Variants in TUSC1 observed in about 807,000 individuals in gnomAD.
The protein encoded by TUSC1 is tumor suppressor candidate gene 1 protein.
A neutral mutation model predicts 5.2 loss-of-function variants in TUSC1; 8 were observed. The observed-to-expected ratio is 1.54, with a 90% CI of 0.90 to 2.77. The LOEUF (loss-of-function observed/expected upper bound fraction) is 2.77, where lower values mean the gene tolerates loss of function less well. Ranked by LOEUF, TUSC1 falls within the 30% of genes most tolerant of loss-of-function variation. The probability of loss-of-function intolerance (pLI) is 0.00; values close to 1 mark genes in which losing one functional copy is unlikely to be tolerated. For synonymous variants in TUSC1, 192 were observed against 144.2 expected, an observed-to-expected ratio of 1.33 and a Z score of -2.37; for missense variants, 442 against 324.2, an observed-to-expected ratio of 1.36 and a Z score of -2.79.
Position 25,678,098 on chromosome 9 carries a change from G to C in TUSC1, c.215C>G (p.Ala72Gly). ...FADLAASHLE[A>G]IRARDEWDRQ... ...GTCCCACTCGTCCCGCGCACGGATGGCCTCCAAGTGGCTCGCCGCCAGGTC... is the reference window on the plus strand; with the variant it reads ...GTCCCACTCGTCCCGCGCACGGATGCCCTCCAAGTGGCTCGCCGCCAGGTC... The change falls in exon 1 of 1, where the codon GCC (alanine) becomes GGC (glycine). Residue 72 changes from alanine (A) to glycine (G), a missense_variant. Ala to Gly is a moderately conservative substitution (Grantham distance 60). Transcript: ENST00000358022. 6.3e-7 allele frequency: 1 copy of C among 1,577,916 alleles called. No homozygotes were observed. Among genetic ancestry groups the C allele is most frequent in the Non-Finnish European group, 8.6e-7 (1 of 1,169,456 alleles).
chr9:25,677,654 G>A lies in TUSC1; in HGVS notation c.*29C>T, dbSNP rs1441513085. On this transcript the variant is annotated 3_prime_UTR_variant, in exon 1 of 1. Transcript: ENST00000358022. ...ACGGAGGAGGAGGGGCCCGCTCGAG[G>A]CTCCGCCTCTCACCGGCTGCGGCCT... 6.8e-7 allele frequency: 1 copy of A among 1,474,406 alleles called. No individual in the cohort carries two copies. The allele number at this position is 1,474,406 out of a possible 1,614,324, so 91.3% of individuals were successfully genotyped here. A position where few individuals can be genotyped will look rare whatever the true frequency, so the allele number is the denominator to read the frequency against.
In TUSC1 at chr9:25,677,851, C is replaced by T. The variant is rs771089540; in HGVS notation, c.462G>A (p.Leu154=). 1.3e-6 allele frequency: 2 copies of T among 1,596,556 alleles called. No homozygotes were observed. Among genetic ancestry groups the T allele is most frequent in the East Asian group, 4.5e-5 (2 of 44,270 alleles). ...CTTCCAGCTTCTCAAGTCGGGCCCT[C>T]AGGGCCCTGGGGCTGCCCGGCTCGT... The part of the protein sequence containing the change: ...REDEPGSPRA[L]RARLEKLEAM... The change falls in exon 1 of 1, where the codon CTG becomes CTA. Residue 154 remains leucine (L), a synonymous_variant. Coordinates refer to ENST00000358022, the MANE Select transcript of TUSC1 (RefSeq NM_001004125.3).
Position 25,677,069 on chromosome 9 carries a change from ATG to A in TUSC1, c.*612_*613del, listed in dbSNP as rs1273134547. 1 of 152,272 alleles carries A rather than the reference ATG, an allele frequency of 6.6e-6. No homozygotes were observed. Among genetic ancestry groups the A allele is most frequent in the Non-Finnish European group, 1.5e-5 (1 of 68,082 alleles). 9.4% of individuals were successfully genotyped at this position (152,272 alleles called of 1,614,324 possible). On this transcript the variant is annotated 3_prime_UTR_variant, in exon 1 of 1. Transcript: ENST00000358022. ...GGGCAAACAAATCAGTATATATTAG[ATG>A]TACAGGGACTGCAGCCAAGACAGGC...
chr9:25,677,599 G>T lies in TUSC1; in HGVS notation c.*84C>A, dbSNP rs746569808. The T allele has an allele frequency of 3.9e-5, 56 of 1,439,156 alleles. No homozygotes were observed. The highest frequency in any genetic ancestry group is 4.9e-5 in the Non-Finnish European group (54 of 1,101,980). The allele number at this position is 1,439,156 out of a possible 1,614,324, so 89.1% of individuals were successfully genotyped here. ...GTATCCGCGGGCAGGGAGCGGGCCA[G>T]GGCGTGCGCGAGGTCGGGGGTAGCT... On this transcript the variant is annotated 3_prime_UTR_variant, in exon 1 of 1. Transcript: ENST00000358022.
At position 25,678,000 on chromosome 9, in the gene TUSC1, G is replaced by C. The variant is rs550558646; in HGVS notation, c.313C>G (p.Arg105Gly). 6.7e-5 allele frequency: 105 copies of C among 1,556,580 alleles called. 1 individual carries two copies. In the African/African-American group the frequency reaches 1.1e-3, roughly 17 times the overall value. ...LENRRLKREN[R>G]SLFRQALRLP... is the part of the protein sequence containing the mutation. ...CGCAAAGCCTGACGGAAGAGGCTGC[G>C]GTTCTCGCGCTTCAGCCGCCGGTTC... Residue 105 changes from arginine to glycine, a missense_variant, in exon 1 of 1, where the codon CGC becomes GGC. Arg to Gly is a moderately radical substitution (Grantham distance 125, BLOSUM62 -2). Transcript: ENST00000358022.
rs368924059 is a variant in TUSC1 at position 25,677,783 on chromosome 9, C to T, written c.530G>A (p.Arg177Gln). The T allele has an allele frequency of 1.3e-5, 21 of 1,586,318 alleles. No individual in the cohort carries two copies. In the African/African-American group the frequency reaches 2.0e-4, roughly 15 times the overall value. Residue 177 changes from arginine (R) to glutamine (Q), a missense_variant, in exon 1 of 1, where the codon CGG (arginine) becomes CAG (glutamine). Transcript: ENST00000358022. ...RALLQLHLEQ[R>Q]GPRPSGDKEE... ...CTTGTCCCCGCTCGGACGTGGTCCC[C>T]GCTGCTCGAGGTGCAGCTGCAGCAG...
chr9:25,677,717 G>A lies in TUSC1; in HGVS notation c.596C>T (p.Ser199Phe). Residue 199 changes from serine (S) to phenylalanine (F), a missense_variant, in exon 1 of 1, where the codon TCC becomes TTC. Ser to Phe is a radical substitution (Grantham distance 155). Transcript: ENST00000358022. Reference protein sequence around the residue: ...PLQEPDSGLRSRDSEPSGPWL With the variant: ...PLQEPDSGLRFRDSEPSGPWL ...GGGCCCAGAGGGCTCCGAGTCCCGGGAGCGGAGGCCGGAGTCGGGTTCCTG... is the reference window on the plus strand; with the variant it reads ...GGGCCCAGAGGGCTCCGAGTCCCGGAAGCGGAGGCCGGAGTCGGGTTCCTG... 1 of 1,561,106 alleles carries A rather than the reference G, an allele frequency of 6.4e-7. No homozygotes were observed. Among genetic ancestry groups the A allele is most frequent in the Non-Finnish European group, 8.7e-7 (1 of 1,152,996 alleles).
In TUSC1 at chr9:25,677,591, G is replaced by A. The variant is rs988747071; in HGVS notation, c.*92C>T. ...AGTCCAAGGTATCCGCGGGCAGGGA[G>A]CGGGCCAGGGCGTGCGCGAGGTCGG... is the stretch of plus-strand genomic sequence containing the variant. On this transcript the variant is annotated 3_prime_UTR_variant, in exon 1 of 1. Transcript: ENST00000358022. 1 of 1,435,534 alleles carries A rather than the reference G, an allele frequency of 7.0e-7. No homozygotes were observed. The highest frequency in any genetic ancestry group is 9.1e-7 in the Non-Finnish European group (1 of 1,099,606). 88.9% of individuals were successfully genotyped at this position (1,435,534 alleles called of 1,614,324 possible). A position where few individuals can be genotyped will look rare whatever the true frequency, so the allele number is the denominator to read the frequency against.
chr9:25,678,410 C>G lies in TUSC1; in HGVS notation c.-98G>C. ...GCTGGCAGGGCGGCCGGGGTGACGA[C>G]GGAGGAGGAGAGGAGGTCGCGGGCG... On this transcript the variant is annotated 5_prime_UTR_variant, in exon 1 of 1. Coordinates refer to ENST00000358022, the MANE Select transcript of TUSC1 (RefSeq NM_001004125.3). The G allele has an allele frequency of 1.7e-6, 2 of 1,154,024 alleles. No individual in the cohort carries two copies. Among genetic ancestry groups the G allele is most frequent in the African/African-American group, 3.3e-5 (2 of 60,402 alleles). The allele number at this position is 1,154,024 out of a possible 1,614,324, so 71.5% of individuals were successfully genotyped here.
rs778067803 is a variant in TUSC1, at chr9:25,678,246, C to A, written c.67G>T (p.Gly23Cys). 12 of 1,418,436 alleles carry A rather than the reference C, an allele frequency of 8.5e-6. No individual in the cohort carries two copies. In the South Asian group the frequency reaches 1.1e-4, roughly 13 times the overall value. 87.9% of individuals were successfully genotyped at this position (1,418,436 alleles called of 1,614,324 possible). The change falls in exon 1 of 1, where the codon GGC (glycine) becomes TGC (cysteine). Residue 23 changes from glycine (G) to cysteine (C), a missense_variant. By Grantham distance (159) the Gly-to-Cys change is radical. Transcript: ENST00000358022. ...CGGCCGGAGCGGCCTGGCCCTCGGCCGTCCGCAGCACCGTCCCCGCCGCAG... is the reference window on the plus strand; with the variant it reads ...CGGCCGGAGCGGCCTGGCCCTCGGCAGTCCGCAGCACCGTCCCCGCCGCAG... The part of the protein sequence containing the change: ...SCCGGDGAAD[G>C]RGPGRSGRAR...
In TUSC1 at chr9:25,677,616, G is replaced by A. The variant is rs927790391; in HGVS notation, c.*67C>T. 1.4e-6 allele frequency: 2 copies of A among 1,442,880 alleles called. No homozygotes were observed. Among genetic ancestry groups the A allele is most frequent in the East Asian group, 2.5e-5 (1 of 40,074 alleles). 89.4% of individuals were successfully genotyped at this position (1,442,880 alleles called of 1,614,324 possible). On this transcript the variant is annotated 3_prime_UTR_variant, in exon 1 of 1. Transcript: ENST00000358022. ...GCGGGCCAGGGCGTGCGCGAGGTCG[G>A]GGGTAGCTGGGAACGGAGGAGGAGG...
chr9:25,677,626 G>C lies in TUSC1; in HGVS notation c.*57C>G. ...GCGTGCGCGAGGTCGGGGGTAGCTG[G>C]GAACGGAGGAGGAGGGGCCCGCTCG... is the stretch of plus-strand genomic sequence containing the variant. On this transcript the variant is annotated 3_prime_UTR_variant, in exon 1 of 1. Transcript: ENST00000358022. 4.8e-6 allele frequency: 7 copies of C among 1,445,844 alleles called. No homozygotes were observed. The highest frequency in any genetic ancestry group is 6.3e-6 in the Non-Finnish European group (7 of 1,104,802). The allele number at this position is 1,445,844 out of a possible 1,614,324, so 89.6% of individuals were successfully genotyped here.
In TUSC1 at chr9:25,677,680, C is replaced by A. The variant is rs762098041; in HGVS notation, c.*3G>T. 1.3e-6 allele frequency: 2 copies of A among 1,510,890 alleles called. No individual in the cohort carries two copies. The highest frequency in any genetic ancestry group is 1.8e-6 in the Non-Finnish European group (2 of 1,128,772). 93.6% of individuals were successfully genotyped at this position (1,510,890 alleles called of 1,614,324 possible). ...CTCCGCCTCTCACCGGCTGCGGCCT[C>A]GGCTACAGCCAGGGCCCAGAGGGCT... On this transcript the variant is annotated 3_prime_UTR_variant, in exon 1 of 1. Transcript: ENST00000358022.
Position 25,678,077 on chromosome 9 carries a change from C to A in TUSC1, c.236G>T (p.Trp79Leu). 6.3e-7 allele frequency: 1 copy of A among 1,589,096 alleles called. No homozygotes were observed. Residue 79 changes from tryptophan to leucine, a missense_variant, in exon 1 of 1, where the codon TGG becomes TTG. Physicochemically the swap from Trp to Leu is moderately conservative, Grantham distance 61. Transcript: ENST00000358022. ...HLEAIRARDE[W>L]DRQNARLRQE... ...ACGCAGCCGCGCGTTCTGCCGGTCC[C>A]ACTCGTCCCGCGCACGGATGGCCTC...
rs778067803 is a variant in TUSC1 at position 25,678,246 on chromosome 9, C to G, written c.67G>C (p.Gly23Arg). ...CGGCCGGAGCGGCCTGGCCCTCGGC[C>G]GTCCGCAGCACCGTCCCCGCCGCAG... ...SCCGGDGAAD[G>R]RGPGRSGRAR... is the part of the protein sequence containing the mutation. Residue 23 changes from glycine (G) to arginine (R), a missense_variant, in exon 1 of 1, where the codon GGC (glycine) becomes CGC (arginine). Coordinates refer to ENST00000358022, the MANE Select transcript of TUSC1 (RefSeq NM_001004125.3). The G allele has an allele frequency of 6.3e-6, 9 of 1,418,436 alleles. No homozygotes were observed. Among genetic ancestry groups the G allele is most frequent in the Middle Eastern group, 2.5e-4 (1 of 4,002 alleles). 87.9% of individuals were successfully genotyped at this position (1,418,436 alleles called of 1,614,324 possible).
Position 25,678,201 on chromosome 9 carries a change from G to T in TUSC1, c.112C>A (p.Pro38Thr), listed in dbSNP as rs1490093895. ...RSGRARGGGS[P>T]SGGGGGVGWR... ...CCCACGCCGCCGCCGCCGCCGCTGG[G>T]GCTGCCCCCACCACGAGCCCGGCCG... Residue 38 changes from proline to threonine, a missense_variant, in exon 1 of 1, where the codon CCC (proline) becomes ACC (threonine). By Grantham distance (38) the Pro-to-Thr change is conservative. Coordinates refer to ENST00000358022, the MANE Select transcript of TUSC1 (RefSeq NM_001004125.3). 7.3e-7 allele frequency: 1 copy of T among 1,368,726 alleles called. No homozygotes were observed. The highest frequency in any genetic ancestry group is 9.4e-7 in the Non-Finnish European group (1 of 1,061,308). The allele number at this position is 1,368,726 out of a possible 1,614,324, so 84.8% of individuals were successfully genotyped here.
Position 25,677,670 on chromosome 9 carries a change from G to T in TUSC1, c.*13C>A. On this transcript the variant is annotated 3_prime_UTR_variant, in exon 1 of 1. Transcript: ENST00000358022. ...CCGCTCGAGGCTCCGCCTCTCACCG[G>T]CTGCGGCCTCGGCTACAGCCAGGGC... 2 of 1,496,838 alleles carry T rather than the reference G, an allele frequency of 1.3e-6. No homozygotes were observed. Among genetic ancestry groups the T allele is most frequent in the East Asian group, 2.5e-5 (1 of 40,356 alleles). 92.7% of individuals were successfully genotyped at this position (1,496,838 alleles called of 1,614,324 possible). A position where few individuals can be genotyped will look rare whatever the true frequency, so the allele number is the denominator to read the frequency against.
At position 25,677,776 on chromosome 9, in the gene TUSC1, T is replaced by C; in HGVS notation, c.537A>G (p.Pro179=). The part of the protein sequence containing the change: ...LLQLHLEQRG[P]RPSGDKEEQP... ...GCTCCTCCTTGTCCCCGCTCGGACGTGGTCCCCGCTGCTCGAGGTGCAGCT... is the reference window on the plus strand; with the variant it reads ...GCTCCTCCTTGTCCCCGCTCGGACGCGGTCCCCGCTGCTCGAGGTGCAGCT... The change falls in exon 1 of 1, where the codon CCA becomes CCG. Residue 179 remains proline (P), a synonymous_variant. Transcript: ENST00000358022. The C allele has an allele frequency of 6.3e-7, 1 of 1,584,354 alleles. No homozygotes were observed. Among genetic ancestry groups the C allele is most frequent in the Non-Finnish European group, 8.6e-7 (1 of 1,166,076 alleles).
chr9:25,677,510 G>C lies in TUSC1; in HGVS notation c.*173C>G, dbSNP rs1027118657. 3 of 1,292,032 alleles carry C rather than the reference G, an allele frequency of 2.3e-6. No individual in the cohort carries two copies. The highest frequency in any genetic ancestry group is 1.6e-5 in the South Asian group (1 of 62,880). The allele number at this position is 1,292,032 out of a possible 1,614,324, so 80.0% of individuals were successfully genotyped here. ...CTTGCACCCACTCGACCTCCACCAA[G>C]CGGATGGCCAAGCGCCACCCGGAAG... On this transcript the variant is annotated 3_prime_UTR_variant, in exon 1 of 1. Coordinates refer to ENST00000358022, the MANE Select transcript of TUSC1 (RefSeq NM_001004125.3).
Sources: allele counts gnomAD v4.1 joint callset, GRCh38; gene constraint gnomAD v4.1.1; transcripts MANE v1.5; gene names NCBI Gene and HGNC (gene_info 2026-07-23, HGNC 2026-07-21).